Variants in PHLPP2 observed in about 807,000 individuals in gnomAD.
PHLPP2 encodes the protein PH domain leucine-rich repeat-containing protein phosphatase 2.
In PHLPP2, 66 loss-of-function variants were observed where a neutral mutation model predicts 124.9. The ratio of observed to expected loss-of-function variants is 0.53; its 90% CI spans 0.43 to 0.65. The LOEUF (loss-of-function observed/expected upper bound fraction) is 0.65, where lower values mean the gene tolerates loss of function less well. PHLPP2 is among the 30% of genes least tolerant of loss of function. The pLI is 0.00. For missense variants in PHLPP2, 1,685 were observed against 1,600.4 expected (o/e 1.05, Z -0.90); for synonymous variants, 681 against 624.7 (o/e 1.09, Z -1.34).
chr16:71,718,768 T>C (rs970457718), intron 1 of PHLPP2, among the ~76,000 whole-genome samples: 5 of 152,170 alleles, frequency 3.3e-5, no homozygotes, highest in Admixed American at 3.3e-4. Context: ...GGTCATCATT[T>C]ACCTCAAAGG....
intron 12 of PHLPP2, among the ~76,000 whole-genome samples, chr16:71,665,212 G>A (rs1186044937): frequency 6.6e-6 from 1 of 152,062 alleles, no homozygotes; most frequent in African/African-American, 2.4e-5. Context: ...GGGAGGCTGA[G>A]GCAGGAGAAA....
chr16:71,721,322 T>C (rs1309563794), intron 1 of PHLPP2, among the ~76,000 whole-genome samples: 1 of 147,600 alleles, frequency 6.8e-6, no homozygotes, highest in East Asian at 2.1e-4. Flanking sequence ...ATAATAACAA[T>C]AATAACGTTT....
At chr16:71,720,909 TAG>T (rs963777304) in intron 1 of PHLPP2, among the ~76,000 whole-genome samples, 1 of 149,954 alleles carries the variant, frequency 6.7e-6, no homozygotes, top group Admixed American at 6.7e-5. Context: ...TACTCTTAGG[TAG>T]AAGATGTTTC....
rs1251425000 is a variant in PHLPP2 at position 71,669,324 on chromosome 16, T to A, written c.1579A>T (p.Ile527Leu). The A allele has an allele frequency of 1.2e-6, 2 of 1,612,708 alleles. No individual in the cohort carries two copies. The highest frequency in any genetic ancestry group is 2.7e-5 in the African/African-American group (2 of 74,928). The change falls in exon 11 of 19, where the codon ATA becomes TTA. Residue 527 changes from isoleucine (I) to leucine (L), a missense_variant. Transcript: ENST00000568954. ...TTATAGCTCACATCTAATACTTCTA[T>A]CTTCTTTGCTTCACAGGCCCAGTCA... The part of the protein sequence containing the change: ...VPDWACEAKK[I>L]EVLDVSYNLL...
rs1015737549 is a variant in PHLPP2, at chr16:71,647,084, C to T, written c.*1806G>A. ...AAAATATATTTATATTTAACCCTCT[C>T]TTTAACATAGTTTCTGATGAAACAA... On this transcript the variant is annotated 3_prime_UTR_variant, in exon 19 of 19. Transcript: ENST00000568954. 3 of 152,620 alleles carry T rather than the reference C, an allele frequency of 2.0e-5. No individual in the cohort carries two copies. The highest frequency in any genetic ancestry group is 7.2e-5 in the African/African-American group (3 of 41,456). The allele number at this position is 152,620 out of a possible 1,614,324, so 9.5% of individuals were successfully genotyped here. A position where few individuals can be genotyped will look rare whatever the true frequency, so the allele number is the denominator to read the frequency against.
intron 17 of PHLPP2, 66 bp from the exon 18 acceptor site, chr16:71,653,087 C>G (rs1056083981): frequency 2.4e-6 from 2 of 826,428 alleles, no homozygotes; most frequent in Admixed American, 2.6e-5. Flanking sequence ...TGGTCCTGCA[C>G]GTACATCCCT....
chr16:71,662,573 T>C (rs750793512), intron 13 of PHLPP2, among the ~76,000 whole-genome samples: 5 of 152,210 alleles, frequency 3.3e-5, no homozygotes, highest in South Asian at 2.1e-4. Flanking sequence ...ATGTTGTAAA[T>C]GGTAAATGTT....
intron 2 of PHLPP2, among the ~76,000 whole-genome samples, chr16:71,704,573 A>G (rs2045260102): frequency 6.6e-6 from 1 of 152,152 alleles, no homozygotes; most frequent in Admixed American, 6.5e-5. Flanking sequence ...CTGACTGCTC[A>G]GTTCAGTATT....
rs2045035487 is a variant in PHLPP2 at position 71,684,563 on chromosome 16, G to GA, written c.647dup (p.Ser217GlnfsTer50). The GA allele has an allele frequency of 6.2e-7, 1 of 1,613,612 alleles. No individual in the cohort carries two copies. Among genetic ancestry groups the GA allele is most frequent in the African/African-American group, 1.3e-5 (1 of 74,842 alleles). On this transcript the variant is annotated frameshift_variant, in exon 5 of 19. Transcript: ENST00000568954. LOFTEE classifies it high-confidence loss of function. Reference sequence around the variant, plus strand: ...TCTGAGCTTGGGCTCCTGCTGAGCTGAAAGCAAGGGAGTATTGCCGTCGCT... The same window carrying GA: ...TCTGAGCTTGGGCTCCTGCTGAGCTGAAAAGCAAGGGAGTATTGCCGTCGCT...
chr16:71,720,173 G>A (rs1002140045), intron 1 of PHLPP2, among the ~76,000 whole-genome samples: 5 of 151,678 alleles, frequency 3.3e-5, no homozygotes, highest in Admixed American at 6.6e-5. Flanking sequence ...GTTTCACTGT[G>A]TTAGCCAGGA....
intron 2 of PHLPP2, among the ~76,000 whole-genome samples, chr16:71,705,230 C>A (rs2045265319): frequency 6.6e-6 from 1 of 152,188 alleles, no homozygotes; most frequent in African/African-American, 2.4e-5. Flanking sequence ...TATGAGGTAT[C>A]TAAGGCACCT....
chr16:71,645,791 G>GT lies in PHLPP2; in HGVS notation c.*3098dup, dbSNP rs1365772199. 1.3e-5 allele frequency: 2 copies of GT among 152,886 alleles called. No individual in the cohort carries two copies. Among genetic ancestry groups the GT allele is most frequent in the Non-Finnish European group, 2.9e-5 (2 of 68,048 alleles). 9.5% of individuals were successfully genotyped at this position (152,886 alleles called of 1,614,324 possible). A position where few individuals can be genotyped will look rare whatever the true frequency, so the allele number is the denominator to read the frequency against. On this transcript the variant is annotated 3_prime_UTR_variant, in exon 19 of 19. Coordinates refer to ENST00000568954, the MANE Select transcript of PHLPP2 (RefSeq NM_015020.3). ...CTTCACAGTAGTACAATAAAGCCCT[G>GT]TATCAGGAGTGGTAATTCAATGACT...
intron 4 of PHLPP2, among the ~76,000 whole-genome samples, chr16:71,686,075 C>G (rs936433162): frequency 6.6e-6 from 1 of 152,182 alleles, no homozygotes; most frequent in African/African-American, 2.4e-5. Flanking sequence ...CACTGCACTC[C>G]AGCCTGGGTG....
At chr16:71,655,781 C>T (rs976142271) in intron 16 of PHLPP2, among the ~76,000 whole-genome samples, 21 of 151,870 alleles carry the variant, frequency 1.4e-4, no homozygotes, top group African/African-American at 4.4e-4. Flanking sequence ...TGAGCCACCG[C>T]GCCTGGCCAG....
In PHLPP2 at chr16:71,648,636, A is replaced by G. The variant is rs2145299258; in HGVS notation, c.*254T>C. ...AAAAAATAAAACTTAGCCGGGCATA[A>G]TGGCAGGTGCCTGTAATCCCAGCTA... On this transcript the variant is annotated 3_prime_UTR_variant, in exon 19 of 19. Transcript: ENST00000568954. 1 of 475,040 alleles carries G rather than the reference A, an allele frequency of 2.1e-6. No individual in the cohort carries two copies. The highest frequency in any genetic ancestry group is 3.6e-5 in the Admixed American group (1 of 27,714). 29.4% of individuals were successfully genotyped at this position (475,040 alleles called of 1,614,324 possible).
chr16:71,708,576 A>C (rs2045300880), intron 2 of PHLPP2, among the ~76,000 whole-genome samples: 2 of 152,182 alleles, frequency 1.3e-5, no homozygotes, highest in Non-Finnish European at 2.9e-5. Flanking sequence ...GTCCCTGACA[A>C]AGAGATCAAG....
At chr16:71,705,920 T>A (rs548690978) in intron 2 of PHLPP2, among the ~76,000 whole-genome samples, 1 of 152,236 alleles carries the variant, frequency 6.6e-6, no homozygotes, top group Non-Finnish European at 1.5e-5. Context: ...CATTTACTCA[T>A]TAAACTCTTC....
Position 71,669,367 on chromosome 16 carries a change from G to T in PHLPP2, c.1536C>A (p.Asn512Lys). 6.2e-7 allele frequency: 1 copy of T among 1,605,626 alleles called. No homozygotes were observed. Among genetic ancestry groups the T allele is most frequent in the Non-Finnish European group, 8.5e-7 (1 of 1,174,826 alleles). The change falls in exon 11 of 19, where the codon AAC becomes AAA. Residue 512 changes from asparagine to lysine, a missense_variant. Physicochemically the swap from Asn to Lys is moderately conservative, Grantham distance 94. Transcript: ENST00000568954. ...SLLTFLDLSR[N>K]LLECVPDWAC... is the part of the protein sequence containing the mutation. ...CCCAGTCAGGGACACACTCTAGCAG[G>T]TTTCTGCAGAAAATAAATAATTAAA...
chr16:71,667,189 G>A lies in PHLPP2; in HGVS notation c.1773C>T (p.Ser591=), dbSNP rs2044846741. The change falls in exon 12 of 19, where the codon TCC becomes TCT. Residue 591 remains serine, a synonymous_variant. Coordinates refer to ENST00000568954, the MANE Select transcript of PHLPP2 (RefSeq NM_015020.3). The stretch of plus-strand genomic sequence containing the variant: ...CCTATGATACTTACTTTAAGGCCTT[G>A]GAGAAGAGGGTGTCTGGCAGCCTCG... The part of the protein sequence containing the change: ...ALTRLPDTLF[S]KALNLRYLNA... The A allele has an allele frequency of 6.2e-7, 1 of 1,612,992 alleles. No homozygotes were observed. Among genetic ancestry groups the A allele is most frequent in the Non-Finnish European group, 8.5e-7 (1 of 1,179,624 alleles).
Sources: gnomAD v4.1 joint callset for allele counts (sites outside exome capture counted in the v4.1 genomes callset) on GRCh38, gnomAD v4.1.1 for gene constraint, MANE v1.5 for transcripts, NCBI Gene and HGNC (gene_info 2026-07-23, HGNC 2026-07-21) for gene names.